NHSL1: variants seen among roughly 807,000 people sequenced by gnomAD.
NHSL1 encodes NHS like 1, also known as NHS-like protein 1.
A neutral mutation model predicts 95.0 loss-of-function variants in NHSL1; 48 were observed. That is an observed-to-expected ratio of 0.51 (90% CI 0.40 to 0.64). NHSL1 has a LOEUF of 0.64. Among genes scored for constraint, NHSL1 ranks in the 30% least tolerant of loss-of-function variants. NHSL1 has a pLI of 0.00. For missense variants in NHSL1, 1,971 were observed against 2,077.7 expected (o/e 0.95, Z 1.00); for synonymous variants, 783 against 833.9 (o/e 0.94, Z 1.05).
intron 1 of NHSL1, among the ~76,000 whole-genome samples, chr6:138,522,129 CCA>C (rs1312002603): frequency 4.6e-5 from 7 of 152,160 alleles, no homozygotes; most frequent in Admixed American, 4.6e-4. Context: ...AGCCAGAAAT[CCA>C]GAGTCAGATG....
chr6:138,662,905 T>C (rs1458457233), intron 1 of NHSL1, among the ~76,000 whole-genome samples: 1 of 151,896 alleles, frequency 6.6e-6, no homozygotes, highest in Non-Finnish European at 1.5e-5. Context: ...GGTAAAAAGT[T>C]TCTGGAGGCC....
chr6:138,637,672 A>G (rs1191856827), intron 1 of NHSL1, among the ~76,000 whole-genome samples: 1 of 152,224 alleles, frequency 6.6e-6, no homozygotes, highest in Admixed American at 6.5e-5. Flanking sequence ...CAATACTACA[A>G]TGAGATATCA....
At chr6:138,566,254 C>T (rs907657942) in intron 1 of NHSL1, among the ~76,000 whole-genome samples, 13 of 151,440 alleles carry the variant, frequency 8.6e-5, no homozygotes, top group South Asian at 4.2e-4. Context: ...AAAAATTAGC[C>T]GGGCGTGGTG....
intron 1 of NHSL1, among the ~76,000 whole-genome samples, chr6:138,684,444 A>C (rs1056035752): frequency 1.3e-5 from 2 of 151,452 alleles, no homozygotes; most frequent in Non-Finnish European, 2.9e-5. Context: ...TCAGGAGTTC[A>C]AGACCAGCCT....
chr6:138,529,379 C>T (rs534817414), intron 1 of NHSL1, among the ~76,000 whole-genome samples: 2 of 152,198 alleles, frequency 1.3e-5, no homozygotes, highest in African/African-American at 4.8e-5. Context: ...GTTTTAATGA[C>T]GTAGTAGTTT....
intron 1 of NHSL1, among the ~76,000 whole-genome samples, chr6:138,614,408 C>T (rs1444560794): frequency 6.6e-6 from 1 of 152,180 alleles, no homozygotes; most frequent in Admixed American, 6.5e-5. Context: ...TACTTTTGAA[C>T]TTCTCATTAC....
chr6:138,518,010 A>G (rs1418267109), intron 1 of NHSL1, among the ~76,000 whole-genome samples: 5 of 152,046 alleles, frequency 3.3e-5, no homozygotes, highest in Admixed American at 3.3e-4. Context: ...TGGTTAGGGG[A>G]GGAAGTCAGG....
At position 138,430,876 on chromosome 6, in the gene NHSL1, C is replaced by G. The variant is rs1362342755; in HGVS notation, c.3469G>C (p.Gly1157Arg). 1.3e-6 allele frequency: 2 copies of G among 1,551,262 alleles called. No individual in the cohort carries two copies. The highest frequency in any genetic ancestry group is 1.7e-6 in the Non-Finnish European group (2 of 1,146,866). ...QGDHGSAAER[G>R]GPVSRSPGAP... ...CCAGGGCTGCGGCTCACAGGGCCAC[C>G]ACGCTCAGCCGCACTGCCATGGTCA... The change falls in exon 6 of 8, where the codon GGT becomes CGT. Residue 1157 changes from glycine (G) to arginine (R), a missense_variant. Gly to Arg is a moderately radical substitution (Grantham distance 125, BLOSUM62 -2). Transcript: ENST00000343505. The surrounding 1 kb of genome is among the most constrained non-coding windows in gnomAD (Gnocchi z 4.7).
At chr6:138,632,772 C>T (rs112789763) in intron 1 of NHSL1, among the ~76,000 whole-genome samples, 284 of 152,186 alleles carry the variant, frequency 1.9e-3, no homozygotes, top group African/African-American at 6.4e-3. Flanking sequence ...GCAAAGACTA[C>T]AATAAATATC....
chr6:138,532,918 CA>C (rs1184711370), intron 1 of NHSL1, among the ~76,000 whole-genome samples: 1 of 152,108 alleles, frequency 6.6e-6, no homozygotes, highest in African/African-American at 2.4e-5. Flanking sequence ...TATCAGAGGT[CA>C]AGGTTCCTAT....
chr6:138,451,359 A>G (rs59802006), intron 3 of NHSL1, among the ~76,000 whole-genome samples: 36,272 of 151,938 alleles, frequency 0.24, 6,063 homozygotes, highest in African/African-American at 0.48. Context: ...TCTTTTGTTG[A>G]GGTCTTAACT....
In NHSL1 at chr6:138,432,415, C is replaced by T. The variant is rs1045108670; in HGVS notation, c.1930G>A (p.Ala644Thr). ...HSVINVFVGR[A>T]QKNQGDRSNY... ...GACCGGTCCCCTTGGTTTTTCTGAGCTCTTCCAACAAAAACATTGATCACG... is the reference window on the plus strand; with the variant it reads ...GACCGGTCCCCTTGGTTTTTCTGAGTTCTTCCAACAAAAACATTGATCACG... The change falls in exon 6 of 8, where the codon GCT becomes ACT. Residue 644 changes from alanine to threonine, a missense_variant. This residue lies in a region of NHSL1 where 1,602 missense variants were observed against 1,654.5 expected (regional missense o/e 0.97). Coordinates refer to ENST00000343505, the MANE Select transcript of NHSL1 (RefSeq NM_001144060.2). The surrounding 1 kb of genome is among the most constrained non-coding windows in gnomAD (Gnocchi z 4.4). 2.7e-5 allele frequency: 42 copies of T among 1,552,174 alleles called. No homozygotes were observed. The highest frequency in any genetic ancestry group is 3.3e-4 in the Middle Eastern group (2 of 6,016).
chr6:138,458,392 T>A (rs58473280), intron 3 of NHSL1, among the ~76,000 whole-genome samples: 4 of 151,874 alleles, frequency 2.6e-5, no homozygotes, highest in African/African-American at 4.8e-5. Context: ...CCTCCTCTCA[T>A]CCCCCAAAGT....
In NHSL1 at chr6:138,424,535, G is replaced by A. The variant is rs1055446157; in HGVS notation, c.4367C>T (p.Pro1456Leu). The A allele has an allele frequency of 1.5e-5, 24 of 1,551,574 alleles. No individual in the cohort carries two copies. In the Admixed American group the frequency reaches 4.5e-4, roughly 29 times the overall value. ...CGGGCTCTCGGGGGCATCTGGGGAA[G>A]GCTCTGACCTCGACCTCTGGAATCT... ...DPRFQRSRSE[P>L]SPDAPESPSS... Residue 1456 changes from proline to leucine, a missense_variant, in exon 8 of 8, where the codon CCT (proline) becomes CTT (leucine). Coordinates refer to ENST00000343505, the MANE Select transcript of NHSL1 (RefSeq NM_001144060.2). This position sits in a 1 kb window ranked among gnomAD's most constrained non-coding sequence, Gnocchi z 5.9.
At chr6:138,595,114 C>T (rs1784286159) in intron 1 of NHSL1, among the ~76,000 whole-genome samples, 1 of 152,230 alleles carries the variant, frequency 6.6e-6, no homozygotes, top group Non-Finnish European at 1.5e-5. Flanking sequence ...GTGTAGGCCT[C>T]TGCAGGCCTT....
chr6:138,564,570 A>G (rs1334696854), intron 1 of NHSL1, among the ~76,000 whole-genome samples: 1 of 152,164 alleles, frequency 6.6e-6, no homozygotes, highest in Non-Finnish European at 1.5e-5. Context: ...TAGCCTGTGC[A>G]CAAAGCACCA....
chr6:138,689,421 T>C (rs745681274), intron 1 of NHSL1, among the ~76,000 whole-genome samples: 5 of 152,226 alleles, frequency 3.3e-5, no homozygotes, highest in Non-Finnish European at 5.9e-5. Flanking sequence ...TTTGGATAAC[T>C]TTCTACCCAT....
chr6:138,599,238 G>A (rs1027468773), intron 1 of NHSL1, among the ~76,000 whole-genome samples: 6 of 152,274 alleles, frequency 3.9e-5, no homozygotes, highest in South Asian at 4.1e-4. Context: ...AAGGCCAGGC[G>A]CAGTGGCTCA....
chr6:138,433,259 T>A lies in NHSL1; in HGVS notation c.1086A>T (p.Gln362His), dbSNP rs1775838128. The A allele has an allele frequency of 6.4e-7, 1 of 1,551,468 alleles. No individual in the cohort carries two copies. Among genetic ancestry groups the A allele is most frequent in the African/African-American group, 1.4e-5 (1 of 72,962 alleles). ...CTAAATGGCCTAAGTTTTCATCTGCTTGTGGGTGACCTCTCTGGTAGAGGA... is the reference window on the plus strand; with the variant it reads ...CTAAATGGCCTAAGTTTTCATCTGCATGTGGGTGACCTCTCTGGTAGAGGA... ...GTFLYQRGHP[Q>H]ADENLGHLGG... is the part of the protein sequence containing the mutation. The change falls in exon 6 of 8, where the codon CAA becomes CAT. Residue 362 changes from glutamine (Q) to histidine (H), a missense_variant. By Grantham distance (24) the Gln-to-His change is conservative. Transcript: ENST00000343505.
Sources: gnomAD v4.1 joint callset for allele counts (sites outside exome capture counted in the v4.1 genomes callset) on GRCh38, gnomAD v4.1.1 for gene constraint, gnomAD v4.1.1 regional missense constraint, Gnocchi (gnomAD v3.1) non-coding constraint, MANE v1.5 for transcripts, NCBI Gene and HGNC (gene_info 2026-07-23, HGNC 2026-07-21) for gene names.